The following IL19 variants were observed in gnomAD, a reference collection of about 807,000 sequenced individuals.
IL19 encodes the protein interleukin-19.
Under a neutral mutation model 19.5 loss-of-function variants are expected in IL19, and 15 were observed. That is an observed-to-expected ratio of 0.77 (90% CI 0.52 to 1.19). IL19 has a LOEUF of 1.19. IL19 is among the 50% of genes most tolerant of loss of function. The probability of loss-of-function intolerance (pLI) is 0.00; values close to 1 mark genes in which losing one functional copy is unlikely to be tolerated. For missense variants in IL19, 199 were observed against 213.1 expected, an observed-to-expected ratio of 0.93 and a Z score of 0.41; for synonymous variants, 78 against 78.3, an observed-to-expected ratio of 1.00 and a Z score of 0.02.
chr1:206,835,240 C>T (rs1357825005), intron 2 of IL19, among the ~76,000 whole-genome samples: 3 of 152,166 alleles, frequency 2.0e-5, no homozygotes, highest in African/African-American at 4.8e-5. Flanking sequence ...TCTAGAAGCA[C>T]CCCAGTAGCG....
At chr1:206,788,034 T>C (rs1335608947) in intron 1 of IL19, among the ~76,000 whole-genome samples, 1 of 152,224 alleles carries the variant, frequency 6.6e-6, no homozygotes, top group Non-Finnish European at 1.5e-5. Context: ...CTGGGGACCC[T>C]GTGGACCTTC....
At chr1:206,776,575 G>T (rs1272482842) in intron 1 of IL19, among the ~76,000 whole-genome samples, 1 of 152,042 alleles carries the variant, frequency 6.6e-6, no homozygotes, top group Non-Finnish European at 1.5e-5. Context: ...TTCCTGTTGA[G>T]AGCGGGGACT....
At chr1:206,840,902 T>G in intron 5 of IL19, 102 bp from the exon 6 acceptor site, 1 of 912,544 alleles carries the variant, frequency 1.1e-6, no homozygotes, top group Non-Finnish European at 1.8e-6. Flanking sequence ...ACTCTCACTG[T>G]GGGAGGGAGG....
rs2243157 is a variant in IL19 at position 206,834,247 on chromosome 1, A to G, written c.-2-2414A>G. 7.2e-4 allele frequency: 712 copies of G among 985,346 alleles called. 6 individuals are homozygous for G. In the African/African-American group the frequency reaches 0.011, roughly 16 times the overall value. The allele number at this position is 985,346 out of a possible 1,614,324, so 61.0% of individuals were successfully genotyped here. ...TAAGGAAATACAATACTAAGAAAAC[A>G]AGGGGAAAAAACAATCTCCCCAAGG... is the stretch of plus-strand genomic sequence containing the variant. On this transcript the variant is annotated intron_variant, in intron 2 of 6. Transcript: ENST00000659997.
chr1:206,819,580 T>TA (rs35953153), intron 2 of IL19, among the ~76,000 whole-genome samples: 117,387 of 145,242 alleles, frequency 0.81, 48,097 homozygotes, highest in Non-Finnish European at 0.89. Flanking sequence ...AGACTCCGTC[T>TA]AAAAAAAAAA....
At chr1:206,789,656 G>C (rs1675346930) in intron 1 of IL19, among the ~76,000 whole-genome samples, 1 of 151,984 alleles carries the variant, frequency 6.6e-6, no homozygotes, top group South Asian at 2.1e-4. Context: ...GTGTCATGGG[G>C]GTTTGTTGTC....
At position 206,770,961 on chromosome 1, in the gene IL19, A is replaced by C. The variant is rs547437506; in HGVS notation, c.-266A>C. The C allele has an allele frequency of 1.2e-6, 2 of 1,614,000 alleles. No individual in the cohort carries two copies. The highest frequency in any genetic ancestry group is 1.7e-6 in the Non-Finnish European group (2 of 1,180,002). On this transcript the variant is annotated 5_prime_UTR_variant, in exon 1 of 7. It removes an upstream start codon present in the reference 5' UTR. Coordinates refer to ENST00000659997, the MANE Select transcript of IL19 (RefSeq NM_153758.5). ...TCAGGTTCTCCCCCAGGGAGTTCAC[A>C]TGCGCCTTGATGTCTGGGTCTTGGT...
intron 1 of IL19, among the ~76,000 whole-genome samples, chr1:206,789,040 A>G (rs1675330133): frequency 6.6e-6 from 1 of 152,228 alleles, no homozygotes. Context: ...CAATAATCAG[A>G]TACCAGTCAG....
chr1:206,822,842 T>A (rs1676320958), intron 2 of IL19, among the ~76,000 whole-genome samples: 1 of 152,152 alleles, frequency 6.6e-6, no homozygotes, highest in African/African-American at 2.4e-5. Context: ...AATGAATGTG[T>A]AAGTGACCAG....
intron 1 of IL19, among the ~76,000 whole-genome samples, chr1:206,786,113 A>T (rs1417931103): frequency 6.6e-6 from 1 of 152,206 alleles, no homozygotes; most frequent in Non-Finnish European, 1.5e-5. Context: ...CCAGAATCCC[A>T]TGTACATCTT....
intron 1 of IL19, 129 bp downstream of exon 1, chr1:206,771,207 T>G: frequency 8.6e-7 from 1 of 1,162,586 alleles, no homozygotes; most frequent in Middle Eastern, 2.2e-4. Flanking sequence ...TTGTAAACCC[T>G]CTGGCTGCTG....
At chr1:206,821,896 C>A (rs991233706) in intron 2 of IL19, among the ~76,000 whole-genome samples, 1 of 152,170 alleles carries the variant, frequency 6.6e-6, no homozygotes, top group African/African-American at 2.4e-5. Flanking sequence ...TTGGTCTGCA[C>A]CTTAATTTGG....
chr1:206,774,552 G>T (rs778986396), intron 1 of IL19, among the ~76,000 whole-genome samples: 2 of 152,172 alleles, frequency 1.3e-5, no homozygotes, highest in Non-Finnish European at 2.9e-5. Flanking sequence ...AGGCAGGCCA[G>T]GGGTTCTGGA....
At chr1:206,789,596 C>A (rs901764108) in intron 1 of IL19, among the ~76,000 whole-genome samples, 1 of 151,768 alleles carries the variant, frequency 6.6e-6, no homozygotes, top group African/African-American at 2.4e-5. Context: ...TAGTTTTTTT[C>A]GACTTTTAAG....
chr1:206,785,163 G>A (rs1309937176), intron 1 of IL19, among the ~76,000 whole-genome samples: 1 of 152,178 alleles, frequency 6.6e-6, no homozygotes, highest in African/African-American at 2.4e-5. Context: ...ATGAATACTC[G>A]GGTCATGCAG....
Position 206,777,218 on chromosome 1 carries a change from G to A in IL19, c.-149+6140G>A, listed in dbSNP as rs1259789374. On this transcript the variant is annotated intron_variant, in intron 1 of 6. Coordinates refer to ENST00000659997, the MANE Select transcript of IL19 (RefSeq NM_153758.5). ...TGCACTCCAGCCTGGGCGACAGAGC[G>A]AGACTCCGTCTCAAAAAAAAAAAAA... 8.6e-5 allele frequency among the ~76,000 whole-genome samples: 10 copies of A among 116,938 alleles called. 1 individual carries two copies. The highest frequency in any genetic ancestry group is 5.6e-4 in the South Asian group (2 of 3,574). The allele number at this position is 116,938 out of a possible 152,430, so 76.7% of individuals were successfully genotyped here.
chr1:206,774,646 G>A (rs899139786), intron 1 of IL19, among the ~76,000 whole-genome samples: 7 of 152,142 alleles, frequency 4.6e-5, no homozygotes, highest in East Asian at 1.9e-4. Context: ...GCAACCCTAC[G>A]TGGTTATCAT....
intron 2 of IL19, among the ~76,000 whole-genome samples, chr1:206,813,999 C>G (rs1248044077): frequency 1.4e-5 from 2 of 146,992 alleles, no homozygotes; most frequent in African/African-American, 5.3e-5. Context: ...TGCTAGCCCC[C>G]ATGGTTGTAT....
chr1:206,819,474 C>T (rs1676241231), intron 2 of IL19, among the ~76,000 whole-genome samples: 1 of 151,686 alleles, frequency 6.6e-6, no homozygotes, highest in Non-Finnish European at 1.5e-5. Context: ...GTTCTAGCTA[C>T]TCGGGAGGCT....
Sources: allele counts gnomAD v4.1 joint callset (sites outside exome capture counted in the v4.1 genomes callset), GRCh38; gene constraint gnomAD v4.1.1; transcripts MANE v1.5; gene names NCBI Gene and HGNC (gene_info 2026-07-23, HGNC 2026-07-21).